The following MIR2052HG variants were observed in gnomAD, a reference collection of about 807,000 sequenced individuals.
MIR2052HG encodes the protein MIR2052 host gene.
intron 2 of MIR2052HG, among the ~76,000 whole-genome samples, chr8:74,668,680 G>C (rs544676108): frequency 6.6e-6 from 1 of 152,292 alleles, no homozygotes; most frequent in South Asian, 2.1e-4. Flanking sequence ...CATGTCCATG[G>C]CTGGCAGAGC....
intron 4 of MIR2052HG, among the ~76,000 whole-genome samples, chr8:74,716,752 G>T (rs1161672016): frequency 1.3e-5 from 2 of 152,070 alleles, no homozygotes; most frequent in East Asian, 1.9e-4. Flanking sequence ...GAATTTAGAT[G>T]ATTATTTTAT....
intron 4 of MIR2052HG, among the ~76,000 whole-genome samples, chr8:74,708,333 G>A (rs964075615): frequency 3.3e-5 from 5 of 152,112 alleles, no homozygotes; most frequent in Non-Finnish European, 7.4e-5. Flanking sequence ...ACAGTTCCTA[G>A]AAATAGCGGG....
At position 74,744,553 on chromosome 8, in the gene MIR2052HG, C is replaced by G. The variant is rs58892729; in HGVS notation, n.372-7888C>G. On this transcript the variant is annotated intron_variant and non_coding_transcript_variant, in intron 4 of 6. Coordinates refer to ENST00000523442, the Ensembl canonical transcript of MIR2052HG. The stretch of plus-strand genomic sequence containing the variant: ...ATGTGATCTCATTGTTCAATTCCCA[C>G]CTATGAGTGAGAATATGCGGTGTTT... 6.0e-3 allele frequency among the ~76,000 whole-genome samples: 905 copies of G among 151,830 alleles called. 3 individuals carry two copies. The highest frequency in any genetic ancestry group is 0.021 in the East Asian group (107 of 5,156).
intron 4 of MIR2052HG, among the ~76,000 whole-genome samples, chr8:74,746,372 A>G (rs944712943): frequency 6.6e-6 from 1 of 152,190 alleles, no homozygotes. Context: ...CATCTCATAT[A>G]TGAAGTACTT....
intron 2 of MIR2052HG, among the ~76,000 whole-genome samples, chr8:74,692,312 A>G (rs548924413): frequency 6.6e-6 from 1 of 152,254 alleles, no homozygotes; most frequent in South Asian, 2.1e-4. Flanking sequence ...GGCTGGTCTC[A>G]AATTCTTGGC....
chr8:74,604,323 C>T, intron 1 of MIR2052HG: 1 of 497,384 alleles, frequency 2.0e-6, no homozygotes. Context: ...CCAAAAACTG[C>T]TGGCGCGAGG....
At chr8:74,607,120 TAAAAA>T (rs930404703) in intron 1 of MIR2052HG, among the ~76,000 whole-genome samples, 1 of 136,222 alleles carries the variant, frequency 7.3e-6, no homozygotes. Flanking sequence ...GAGTAAAACT[TAAAAA>T]AAAAAAAAGA....
chr8:74,705,426 T>C (rs1385058431), intron 4 of MIR2052HG, among the ~76,000 whole-genome samples: 1 of 152,024 alleles, frequency 6.6e-6, no homozygotes, highest in African/African-American at 2.4e-5. Flanking sequence ...AAAAGTCATA[T>C]ATTTTCATTC....
chr8:74,703,183 A>G (rs980479171), intron 3 of MIR2052HG, among the ~76,000 whole-genome samples: 2 of 152,060 alleles, frequency 1.3e-5, no homozygotes, highest in Non-Finnish European at 2.9e-5. Context: ...GCGTAAGAGT[A>G]CATAGGACTG....
chr8:74,663,299 C>A (rs1273784730), intron 2 of MIR2052HG, among the ~76,000 whole-genome samples: 1 of 152,162 alleles, frequency 6.6e-6, no homozygotes, highest in Non-Finnish European at 1.5e-5. Flanking sequence ...GATAATAATT[C>A]TCTGACTTTG....
chr8:74,667,174 C>T (rs1808938597), intron 2 of MIR2052HG, among the ~76,000 whole-genome samples: 1 of 152,092 alleles, frequency 6.6e-6, no homozygotes. Context: ...GAGCTCAGTC[C>T]AGAGGCCAGA....
chr8:74,602,877 T>TCTTTCTTTCTTTCTTTCTTTCTTTCTTTC (rs1808041121), intron 1 of MIR2052HG, among the ~76,000 whole-genome samples: 1 of 53,792 alleles, frequency 1.9e-5, no homozygotes. Flanking sequence ...TTCTTTCTTT[T>TCTTTCTTTCTTTCTTTCTTTCTTTCTTTC]TTCTATTCAC....
At chr8:74,740,858 T>C (rs1460243315) in intron 4 of MIR2052HG, among the ~76,000 whole-genome samples, 1 of 151,988 alleles carries the variant, frequency 6.6e-6, no homozygotes, top group Non-Finnish European at 1.5e-5. Context: ...GTTATTTCCA[T>C]TTATTATTAC....
chr8:74,614,421 A>G (rs1808246970), intron 2 of MIR2052HG, among the ~76,000 whole-genome samples: 1 of 152,150 alleles, frequency 6.6e-6, no homozygotes, highest in South Asian at 2.1e-4. Flanking sequence ...CCTTGCTTTT[A>G]TAATTGATCT....
At chr8:74,720,686 A>AT (rs1298660511) in intron 4 of MIR2052HG, among the ~76,000 whole-genome samples, 1 of 152,044 alleles carries the variant, frequency 6.6e-6, no homozygotes, top group East Asian at 1.9e-4. Flanking sequence ...ATATTAATCC[A>AT]TTTTCATACT....
chr8:74,605,654 G>A (rs571754597), intron 1 of MIR2052HG, among the ~76,000 whole-genome samples: 3 of 152,258 alleles, frequency 2.0e-5, no homozygotes, highest in African/African-American at 7.2e-5. Context: ...GGAAATTTTA[G>A]CACTTTGTAA....
chr8:74,612,353 A>G (rs1808209952), intron 1 of MIR2052HG: 1 of 156,744 alleles, frequency 6.4e-6, no homozygotes, highest in African/African-American at 2.4e-5. Context: ...CTATTTCAGC[A>G]TTTCTCATAT....
intron 5 of MIR2052HG, among the ~76,000 whole-genome samples, chr8:74,752,969 A>T (rs1390820907): frequency 6.6e-6 from 1 of 152,210 alleles, no homozygotes; most frequent in Non-Finnish European, 1.5e-5. Context: ...AGCTCTGCAG[A>T]CTGAAAGAGT....
intron 4 of MIR2052HG, among the ~76,000 whole-genome samples, chr8:74,714,840 G>A (rs1809505289): frequency 2.6e-5 from 4 of 151,802 alleles, no homozygotes; most frequent in African/African-American, 9.7e-5. Context: ...GAGTAGCTGG[G>A]ATTACAGGCG....
Sources: gnomAD v4.1 joint callset for allele counts (sites outside exome capture counted in the v4.1 genomes callset) on GRCh38, gnomAD v4.1.1 for gene constraint, MANE v1.5 for transcripts, NCBI Gene and HGNC (gene_info 2026-07-23, HGNC 2026-07-21) for gene names.